The following TBC1D10B variants were observed in gnomAD, a reference collection of about 807,000 sequenced individuals.
The protein encoded by TBC1D10B is TBC1 domain family member 10B.
TBC1D10B carries 25 observed loss-of-function variants against 78.4 expected under a neutral mutation model. The observed-to-expected ratio is 0.32, with a 90% confidence interval of 0.23 to 0.45. The LOEUF is 0.45. TBC1D10B is among the 20% of genes least tolerant of loss of function. TBC1D10B has a pLI of 1.00. For synonymous variants in TBC1D10B, 517 were observed against 478.0 expected (o/e 1.08, Z -1.06); for missense variants, 996 against 1,104.8 (o/e 0.90, Z 1.40).
At position 30,369,592 on chromosome 16, in the gene TBC1D10B, C is replaced by G; in HGVS notation, c.592G>C (p.Ala198Pro). The G allele has an allele frequency of 6.5e-7, 1 of 1,528,418 alleles. No homozygotes were observed. Among genetic ancestry groups the G allele is most frequent in the Non-Finnish European group, 8.8e-7 (1 of 1,134,276 alleles). 94.7% of individuals were successfully genotyped at this position (1,528,418 alleles called of 1,614,324 possible). A position where few individuals can be genotyped will look rare whatever the true frequency, so the allele number is the denominator to read the frequency against. The change falls in exon 1 of 9, where the codon GCT becomes CCT. Residue 198 changes from alanine to proline, a missense_variant. Physicochemically the swap from Ala to Pro is conservative, Grantham distance 27. Around this residue, in one of 5 missense-constraint regions of TBC1D10B, gnomAD observed 448 missense variants for 442.1 expected, o/e 1.01. Coordinates refer to ENST00000409939, the MANE Select transcript of TBC1D10B (RefSeq NM_015527.4). This position sits in a 1 kb window ranked among gnomAD's most constrained non-coding sequence, Gnocchi z 4.3. Reference sequence around the variant, plus strand: ...GCTGATGCTGATGTTGCTGCGGCAGCTCCATGCCCACCTGTCACTTGTCCT... The same window carrying G: ...GCTGATGCTGATGTTGCTGCGGCAGGTCCATGCCCACCTGTCACTTGTCCT... ...ASGQVTGGHG[A>P]AAATSASAGQ...
Position 30,365,025 on chromosome 16 carries a change from G to GA in TBC1D10B, c.1165-20dup. ...CCAGCTCCTGCAGTGGGACAGTGGG[G>GA]ATTACCTCAGCATCTGGGGGAACTG... On this transcript the variant is annotated intron_variant, in intron 3 of 8. Transcript: ENST00000409939. The surrounding 1 kb of genome is among the most constrained non-coding windows in gnomAD (Gnocchi z 5.0). 6.2e-7 allele frequency: 1 copy of GA among 1,612,936 alleles called. No individual in the cohort carries two copies. Among genetic ancestry groups the GA allele is most frequent in the Non-Finnish European group, 8.5e-7 (1 of 1,179,296 alleles).
In TBC1D10B at chr16:30,359,833, T is replaced by G; in HGVS notation, c.1280A>C (p.Asp427Ala). 6.4e-7 allele frequency: 1 copy of G among 1,561,796 alleles called. No individual in the cohort carries two copies. The highest frequency in any genetic ancestry group is 8.7e-7 in the Non-Finnish European group (1 of 1,152,680). The change falls in exon 5 of 9, where the codon GAC (aspartate) becomes GCC (alanine). Residue 427 changes from aspartate to alanine, a missense_variant. By Grantham distance (126) the Asp-to-Ala change is moderately radical. Transcript: ENST00000409939. The stretch of plus-strand genomic sequence containing the variant: ...GTAGGCCTTCAGGATTCGGTACAGG[T>G]CCTGTTGCCTGTGGGGGTTGGGGAA... ...FAARGGHGQQ[D>A]LYRILKAYTI...
Position 30,359,715 on chromosome 16 carries a change from C to T in TBC1D10B, c.1386+12G>A, listed in dbSNP as rs2049587003. ...CCCCCTGCCCCTCCCGGCCCAGGAC[C>T]AGGGCGCTGACCTCCGCAGGCATGT... On this transcript the variant is annotated intron_variant, in intron 5 of 8. Coordinates refer to ENST00000409939, the MANE Select transcript of TBC1D10B (RefSeq NM_015527.4). The T allele has an allele frequency of 6.4e-7, 1 of 1,566,836 alleles. No homozygotes were observed. Among genetic ancestry groups the T allele is most frequent in the Middle Eastern group, 1.7e-4 (1 of 5,998 alleles).
intron 1 of TBC1D10B, among the ~76,000 whole-genome samples, chr16:30,368,705 C>A (rs1439544516): frequency 6.6e-6 from 1 of 152,166 alleles, no homozygotes; most frequent in Non-Finnish European, 1.5e-5. Context: ...ACTGCACAGT[C>A]TCCCTTCCAT....
At chr16:30,368,583 G>C (rs1029424495) in intron 1 of TBC1D10B, among the ~76,000 whole-genome samples, 3 of 152,148 alleles carry the variant, frequency 2.0e-5, no homozygotes, top group African/African-American at 4.8e-5. Context: ...GCCCCGGAGA[G>C]AACTAGGAAA....
At position 30,357,777 on chromosome 16, in the gene TBC1D10B, C is replaced by T; in HGVS notation, c.*167G>A. ...TCCAGACTCATTTGCAGCTGCCCAT[C>T]TGTCCTGCCCGTGTAGGGATCAGCA... On this transcript the variant is annotated 3_prime_UTR_variant, in exon 9 of 9. Transcript: ENST00000409939. The T allele has an allele frequency of 1.1e-6, 1 of 936,376 alleles. No individual in the cohort carries two copies. 58.0% of individuals were successfully genotyped at this position (936,376 alleles called of 1,614,324 possible).
Position 30,358,719 on chromosome 16 carries a change from C to G in TBC1D10B, c.1741G>C (p.Glu581Gln). 6.2e-7 allele frequency: 1 copy of G among 1,611,118 alleles called. No homozygotes were observed. Among genetic ancestry groups the G allele is most frequent in the South Asian group, 1.1e-5 (1 of 90,524 alleles). The change falls in exon 8 of 9, where the codon GAG becomes CAG. Residue 581 changes from glutamate (E) to glutamine (Q), a missense_variant. Transcript: ENST00000409939. The stretch of plus-strand genomic sequence containing the variant: ...TGCTGGGGCAGGTTACGCAGCTGCT[C>G]CATGGTCTCATACATGCCTTGGCAG... The part of the protein sequence containing the change: ...RSCQGMYETM[E>Q]QLRNLPQQCM...
At chr16:30,361,449 G>A (rs185515874) in intron 4 of TBC1D10B, among the ~76,000 whole-genome samples, 2 of 152,182 alleles carry the variant, frequency 1.3e-5, no homozygotes, top group South Asian at 2.1e-4. Flanking sequence ...TGTTTGTTTC[G>A]AGACAGTTTC....
At chr16:30,368,483 G>A (rs1217651467) in intron 1 of TBC1D10B, among the ~76,000 whole-genome samples, 1 of 152,180 alleles carries the variant, frequency 6.6e-6, no homozygotes, top group Non-Finnish European at 1.5e-5. Flanking sequence ...GGCCCAGCAG[G>A]TCAAAGGGGC....
At chr16:30,358,844 G>A in intron 7 of TBC1D10B, 27 bp from the exon 8 acceptor site, 1 of 1,583,536 alleles carries the variant, frequency 6.3e-7, no homozygotes, top group Non-Finnish European at 8.6e-7. Flanking sequence ...TAGAGAGCAT[G>A]GGGTGGTCAG....
At position 30,358,140 on chromosome 16, in the gene TBC1D10B, T is replaced by A. The variant is rs1184431274; in HGVS notation, c.2231A>T (p.Lys744Met). 6.4e-7 allele frequency: 1 copy of A among 1,551,136 alleles called. No homozygotes were observed. The highest frequency in any genetic ancestry group is 2.0e-5 in the Admixed American group (1 of 50,966). Residue 744 changes from lysine to methionine, a missense_variant, in exon 9 of 9, where the codon AAG becomes ATG. By Grantham distance (95) the Lys-to-Met change is moderately conservative. Coordinates refer to ENST00000409939, the MANE Select transcript of TBC1D10B (RefSeq NM_015527.4). ...CTCTTTCTCCTGCTTCTGCCGCTCC[T>A]TCTCCCGCTCCTTCTCCTGTTTCTG... Reference protein sequence around the residue: ...ERQKQEKEREKERQKQEKERE... With the variant: ...ERQKQEKEREMERQKQEKERE...
chr16:30,362,036 G>C (rs1045025777), intron 4 of TBC1D10B, among the ~76,000 whole-genome samples: 1 of 151,808 alleles, frequency 6.6e-6, no homozygotes, highest in African/African-American at 2.4e-5. Flanking sequence ...TTTTAGTAGA[G>C]ACGGGAGTTT....
At chr16:30,364,117 CAA>C (rs566136462) in intron 4 of TBC1D10B, among the ~76,000 whole-genome samples, 35 of 106,832 alleles carry the variant, frequency 3.3e-4, no homozygotes, top group Admixed American at 6.9e-4. Context: ...AACTCCATCT[CAA>C]AAAAAAAAAA....
In TBC1D10B at chr16:30,365,628, A is replaced by G; in HGVS notation, c.957-34T>C. On this transcript the variant is annotated intron_variant, in intron 1 of 8. Transcript: ENST00000409939. The surrounding 1 kb of genome is among the most constrained non-coding windows in gnomAD (Gnocchi z 5.0). ...TCGGGGGAGCACGGAAGGGGTCAGT[A>G]GCAATAGTGTAAAACCTGCATTGCA... 1 of 1,603,222 alleles carries G rather than the reference A, an allele frequency of 6.2e-7. No homozygotes were observed. The highest frequency in any genetic ancestry group is 8.5e-7 in the Non-Finnish European group (1 of 1,171,506).
At position 30,365,254 on chromosome 16, in the gene TBC1D10B, C is replaced by T. The variant is rs771258443; in HGVS notation, c.1057-42G>A. The T allele has an allele frequency of 7.0e-6, 11 of 1,567,186 alleles. No homozygotes were observed. The highest frequency in any genetic ancestry group is 9.7e-6 in the Non-Finnish European group (11 of 1,139,264). ...GGAGGGGGACAGCTTCAAGGGCTGG[C>T]ACAGCCTCCAACCTTTCCCCAGCAG... On this transcript the variant is annotated intron_variant, in intron 2 of 8. Transcript: ENST00000409939. The surrounding 1 kb of genome is among the most constrained non-coding windows in gnomAD (Gnocchi z 5.0).
chr16:30,358,113 C>A lies in TBC1D10B; in HGVS notation c.2258G>T (p.Arg753Leu), dbSNP rs149850847. The A allele has an allele frequency of 5.2e-6, 8 of 1,551,274 alleles. No homozygotes were observed. Among genetic ancestry groups the A allele is most frequent in the African/African-American group, 4.1e-5 (3 of 72,930 alleles). Residue 753 changes from arginine (R) to leucine (L), a missense_variant, in exon 9 of 9, where the codon CGA (arginine) becomes CTA (leucine). Physicochemically the swap from Arg to Leu is moderately radical, Grantham distance 102 (BLOSUM62 -2). Transcript: ENST00000409939. ...CTCTCGCTCCTTTTCCTGCTTCTCTCGCTCTTTCTCCTGCTTCTGCCGCTC... is the reference window on the plus strand; with the variant it reads ...CTCTCGCTCCTTTTCCTGCTTCTCTAGCTCTTTCTCCTGCTTCTGCCGCTC... ...EKERQKQEKE[R>L]EKQEKEREKQ...
chr16:30,368,099 T>G (rs996596656), intron 1 of TBC1D10B: 1 of 152,166 alleles, frequency 6.6e-6, no homozygotes, highest in African/African-American at 2.4e-5. Context: ...AGCACCAGGG[T>G]CAAACCTCAG....
intron 4 of TBC1D10B, among the ~76,000 whole-genome samples, chr16:30,361,255 T>C (rs1462768364): frequency 6.6e-6 from 1 of 152,126 alleles, no homozygotes; most frequent in Non-Finnish European, 1.5e-5. Context: ...ATCACACCAC[T>C]GCACTCCAGC....
At chr16:30,363,546 A>C (rs1305193773) in intron 4 of TBC1D10B, among the ~76,000 whole-genome samples, 2 of 152,168 alleles carry the variant, frequency 1.3e-5, no homozygotes, top group African/African-American at 4.8e-5. Context: ...GCTTGAGCCC[A>C]GGAGTTCAAG....
Sources: allele counts gnomAD v4.1 joint callset (sites outside exome capture counted in the v4.1 genomes callset), GRCh38; gene constraint gnomAD v4.1.1; regional missense constraint gnomAD v4.1.1; non-coding constraint Gnocchi (gnomAD v3.1); transcripts MANE v1.5; gene names NCBI Gene and HGNC (gene_info 2026-07-23, HGNC 2026-07-21).